The following B3GAT2 variants were observed in gnomAD, a reference collection of about 807,000 sequenced individuals.
B3GAT2 encodes beta-1,3-glucuronyltransferase 2.
A neutral mutation model predicts 27.8 loss-of-function variants in B3GAT2; 26 were observed. The ratio of observed to expected loss-of-function variants is 0.93; its 90% CI spans 0.68 to 1.30. The LOEUF (loss-of-function observed/expected upper bound fraction) is 1.30. Among genes scored for constraint, B3GAT2 ranks in the 50% most tolerant of loss-of-function variants. The pLI is 0.00. For missense variants in B3GAT2, 458 were observed against 459.0 expected, an observed-to-expected ratio of 1.00 and a Z score of 0.02; for synonymous variants, 218 against 195.1, an observed-to-expected ratio of 1.12 and a Z score of -0.98.
chr6:70,926,271 C>T (rs954774319), intron 1 of B3GAT2, among the ~76,000 whole-genome samples: 4 of 152,178 alleles, frequency 2.6e-5, no homozygotes, highest in African/African-American at 2.4e-5. Flanking sequence ...GACTCTTCTC[C>T]AAAGGATCGC....
chr6:70,956,369 T>C lies in B3GAT2; in HGVS notation c.61A>G (p.Ile21Val), dbSNP rs755345165. The C allele has an allele frequency of 4.5e-6, 7 of 1,559,916 alleles. No homozygotes were observed. In the African/African-American group the frequency reaches 6.8e-5, roughly 15 times the overall value. The change falls in exon 1 of 4, where the codon ATC (isoleucine) becomes GTC (valine). Residue 21 changes from isoleucine to valine, a missense_variant. Transcript: ENST00000230053. ...ILLPWILIVI[I>V]MLDVDTRRPV... ...CTGCGCGTGTCCACGTCGAGCATGA[T>C]GATGACAATTAGGATCCAGGGCAGG...
At chr6:70,938,637 AAAAC>A (rs1314122830) in intron 1 of B3GAT2, among the ~76,000 whole-genome samples, 1 of 151,906 alleles carries the variant, frequency 6.6e-6, no homozygotes, top group Non-Finnish European at 1.5e-5. Context: ...AAACCTGAGA[AAAAC>A]AAGCAATGGG....
chr6:70,916,335 G>A (rs1221023555), intron 1 of B3GAT2, among the ~76,000 whole-genome samples: 4 of 152,136 alleles, frequency 2.6e-5, no homozygotes, highest in Non-Finnish European at 4.4e-5. Context: ...ATATAATCAT[G>A]TCATCTACAA....
chr6:70,950,572 A>G (rs1163211420), intron 1 of B3GAT2, among the ~76,000 whole-genome samples: 3 of 152,322 alleles, frequency 2.0e-5, no homozygotes, highest in Non-Finnish European at 4.4e-5. Flanking sequence ...TATCTCTGCC[A>G]CATAACAGCT....
chr6:70,897,218 TC>T (rs1772401807), intron 1 of B3GAT2, among the ~76,000 whole-genome samples: 1 of 150,428 alleles, frequency 6.6e-6, no homozygotes, highest in Non-Finnish European at 1.5e-5. Context: ...TTCAAATCTT[TC>T]GCACATTCAA....
At chr6:70,926,289 C>T (rs1465435065) in intron 1 of B3GAT2, among the ~76,000 whole-genome samples, 3 of 152,160 alleles carry the variant, frequency 2.0e-5, no homozygotes, top group African/African-American at 4.8e-5. Flanking sequence ...CGCAGCTCCT[C>T]GCCAGCAAAG....
intron 1 of B3GAT2, among the ~76,000 whole-genome samples, chr6:70,942,078 G>C (rs1765402020): frequency 1.3e-5 from 2 of 152,070 alleles, no homozygotes; most frequent in African/African-American, 4.8e-5. Context: ...TATTGAAAAA[G>C]TTAAAGGTCA....
chr6:70,866,383 G>T (rs961186575), intron 2 of B3GAT2, among the ~76,000 whole-genome samples: 10 of 152,256 alleles, frequency 6.6e-5, no homozygotes, highest in African/African-American at 2.4e-4. Flanking sequence ...CAAAGCTCAA[G>T]AATACATATG....
At chr6:70,889,954 G>A (rs1241754757) in intron 2 of B3GAT2, among the ~76,000 whole-genome samples, 1 of 151,880 alleles carries the variant, frequency 6.6e-6, no homozygotes, top group East Asian at 1.9e-4. Flanking sequence ...GCTAATTTTT[G>A]TATTTGTAGT....
At chr6:70,907,736 T>C (rs1404493339) in intron 1 of B3GAT2, among the ~76,000 whole-genome samples, 1 of 152,222 alleles carries the variant, frequency 6.6e-6, no homozygotes, top group Non-Finnish European at 1.5e-5. Flanking sequence ...TTACAAGTCA[T>C]GTGTTGCTTA....
intron 1 of B3GAT2, among the ~76,000 whole-genome samples, chr6:70,934,913 A>G (rs1006613809): frequency 5.3e-5 from 8 of 152,206 alleles, no homozygotes; most frequent in Admixed American, 1.3e-4. Context: ...CAACCCTGTA[A>G]CATTTATTGT....
chr6:70,858,430 ATT>A lies in B3GAT2; in HGVS notation c.*3231_*3232del. The stretch of plus-strand genomic sequence containing the variant: ...AGACAAATGATGTGTTATTATCGCT[ATT>A]TTAGAGTATTCTGTAAAAAAAAGGT... On this transcript the variant is annotated 3_prime_UTR_variant, in exon 4 of 4. Coordinates refer to ENST00000230053, the MANE Select transcript of B3GAT2 (RefSeq NM_080742.3). 1 of 464,124 alleles carries A rather than the reference ATT, an allele frequency of 2.2e-6. No individual in the cohort carries two copies. Among genetic ancestry groups the A allele is most frequent in the Non-Finnish European group, 3.7e-6 (1 of 273,028 alleles). The allele number at this position is 464,124 out of a possible 1,614,324, so 28.8% of individuals were successfully genotyped here.
intron 1 of B3GAT2, among the ~76,000 whole-genome samples, chr6:70,900,028 G>A (rs1337252868): frequency 6.6e-6 from 1 of 152,118 alleles, no homozygotes; most frequent in East Asian, 1.9e-4. Context: ...ATGATAAAGG[G>A]GCAGCAATTC....
intron 1 of B3GAT2, among the ~76,000 whole-genome samples, chr6:70,917,234 C>G (rs138947209): frequency 6.6e-6 from 1 of 152,046 alleles, no homozygotes; most frequent in South Asian, 2.1e-4. Flanking sequence ...TCCGTGGGAT[C>G]GGTGGTGATA....
At chr6:70,880,768 C>T (rs2150026583) in intron 2 of B3GAT2, among the ~76,000 whole-genome samples, 1 of 151,912 alleles carries the variant, frequency 6.6e-6, no homozygotes, top group South Asian at 2.1e-4. Flanking sequence ...CGGGTTCAAA[C>T]AATCCTCCTG....
At position 70,861,523 on chromosome 6, in the gene B3GAT2, A is replaced by T; in HGVS notation, c.*140T>A. 1.4e-6 allele frequency: 1 copy of T among 690,384 alleles called. No individual in the cohort carries two copies. The highest frequency in any genetic ancestry group is 2.8e-5 in the Admixed American group (1 of 35,114). The allele number at this position is 690,384 out of a possible 1,614,324, so 42.8% of individuals were successfully genotyped here. A position where few individuals can be genotyped will look rare whatever the true frequency, so the allele number is the denominator to read the frequency against. On this transcript the variant is annotated 3_prime_UTR_variant, in exon 4 of 4. Transcript: ENST00000230053. ...GTTAACTGACAAGCTCCATTTAAAC[A>T]GATGTCCATCAGATGACAAGAAAGG...
Position 70,956,419 on chromosome 6 carries a change from G to T in B3GAT2, c.11C>A (p.Ala4Glu), listed in dbSNP as rs906078505. The T allele has an allele frequency of 1.9e-6, 3 of 1,551,352 alleles. No individual in the cohort carries two copies. Among genetic ancestry groups the T allele is most frequent in the Non-Finnish European group, 1.7e-6 (2 of 1,146,970 alleles). Residue 4 changes from alanine (A) to glutamate (E), a missense_variant, in exon 1 of 4, where the codon GCG (alanine) becomes GAG (glutamate). Physicochemically the swap from Ala to Glu is moderately radical, Grantham distance 107 (BLOSUM62 -1). Transcript: ENST00000230053. ...GAGGATAAAGAAGCGGGTGAAAAGC[G>T]CGGACTTCATGGTGCACGCTCCCTG... Reference protein sequence around the residue: MKSALFTRFFILLP... With the variant: MKSELFTRFFILLP...
Position 70,859,033 on chromosome 6 carries a change from G to C in B3GAT2, c.*2630C>G, listed in dbSNP as rs1771573474. ...TCTTCCTTTTACACTTCCCATTGAT[G>C]TTCCTCCAGCATTTTGGCAATCTTG... is the stretch of plus-strand genomic sequence containing the variant. On this transcript the variant is annotated 3_prime_UTR_variant, in exon 4 of 4. Transcript: ENST00000230053. The C allele has an allele frequency of 4.6e-6, 1 of 218,296 alleles. No homozygotes were observed. The highest frequency in any genetic ancestry group is 9.0e-6 in the Non-Finnish European group (1 of 110,918). The allele number at this position is 218,296 out of a possible 1,614,324, so 13.5% of individuals were successfully genotyped here.
At chr6:70,875,918 C>T (rs535031751) in intron 2 of B3GAT2, among the ~76,000 whole-genome samples, 1 of 152,166 alleles carries the variant, frequency 6.6e-6, no homozygotes, top group Non-Finnish European at 1.5e-5. Flanking sequence ...TCTAAGGAAA[C>T]AATCAGGATG....
Sources: allele counts gnomAD v4.1 joint callset (sites outside exome capture counted in the v4.1 genomes callset), GRCh38; gene constraint gnomAD v4.1.1; transcripts MANE v1.5; gene names NCBI Gene and HGNC (gene_info 2026-07-23, HGNC 2026-07-21).